CAMK2D: variants seen among roughly 807,000 people sequenced by gnomAD.
CAMK2D encodes the protein calcium/calmodulin dependent protein kinase II delta.
A neutral mutation model predicts 84.0 loss-of-function variants in CAMK2D; 37 were observed. The observed-to-expected ratio is 0.44, with a 90% CI of 0.34 to 0.58. CAMK2D has a LOEUF of 0.58. Among genes scored for constraint, CAMK2D ranks in the 20% least tolerant of loss-of-function variants. The pLI is 0.02. For missense variants in CAMK2D, 448 were observed against 652.5 expected (o/e 0.69, Z 3.41); for synonymous variants, 202 against 212.5 (o/e 0.95, Z 0.43).
intron 16 of CAMK2D, among the ~76,000 whole-genome samples, chr4:113,492,417 A>T (rs1332455298): frequency 6.6e-6 from 1 of 152,080 alleles, no homozygotes; most frequent in Non-Finnish European, 1.5e-5. Context: ...GTCATTCAGG[A>T]GCAGGTTGTT....
chr4:113,591,555 T>C (rs2154251676), intron 4 of CAMK2D, among the ~76,000 whole-genome samples: 1 of 152,322 alleles, frequency 6.6e-6, no homozygotes, highest in Admixed American at 6.5e-5. Context: ...TAAATGTGTA[T>C]CTCATCAGGT....
rs2097258655 is a variant in CAMK2D, at chr4:113,451,718, C to T, written c.*2827G>A. The T allele has an allele frequency of 6.6e-6, 1 of 152,124 alleles. No individual in the cohort carries two copies. Among genetic ancestry groups the T allele is most frequent in the African/African-American group, 2.4e-5 (1 of 41,402 alleles). The allele number at this position is 152,124 out of a possible 1,614,324, so 9.4% of individuals were successfully genotyped here. A position where few individuals can be genotyped will look rare whatever the true frequency, so the allele number is the denominator to read the frequency against. On this transcript the variant is annotated 3_prime_UTR_variant, in exon 21 of 21. Coordinates refer to ENST00000511664, the MANE Select transcript of CAMK2D (RefSeq NM_001321571.2). The stretch of plus-strand genomic sequence containing the variant: ...TGCAATGATGAATACACAGTTCTTG[C>T]CCATGGAGACATTATACTGCAGTAG...
In CAMK2D at chr4:113,761,151, C is replaced by G; in HGVS notation, c.-83G>C. On this transcript the variant is annotated 5_prime_UTR_variant, in exon 1 of 21. Transcript: ENST00000511664. ...GCGGCTAACCCCGGGACTGGCCCCGCGGCGCTGTCACCCAGGGCCGCTCTT... is the reference window on the plus strand; with the variant it reads ...GCGGCTAACCCCGGGACTGGCCCCGGGGCGCTGTCACCCAGGGCCGCTCTT... 6.3e-7 allele frequency: 1 copy of G among 1,596,578 alleles called. No homozygotes were observed. Among genetic ancestry groups the G allele is most frequent in the Non-Finnish European group, 8.5e-7 (1 of 1,173,238 alleles).
chr4:113,493,835 C>T (rs572252250), intron 16 of CAMK2D, among the ~76,000 whole-genome samples: 5 of 151,898 alleles, frequency 3.3e-5, no homozygotes, highest in African/African-American at 1.2e-4. Flanking sequence ...GGAGGCTTTG[C>T]TCATTTCTTT....
At chr4:113,615,950 G>A (rs2099019337) in intron 3 of CAMK2D, among the ~76,000 whole-genome samples, 1 of 151,876 alleles carries the variant, frequency 6.6e-6, no homozygotes, top group Non-Finnish European at 1.5e-5. Context: ...GTTACATAAG[G>A]GATATGTATT....
intron 2 of CAMK2D, among the ~76,000 whole-genome samples, chr4:113,717,707 G>C (rs2099517911): frequency 6.6e-6 from 1 of 152,012 alleles, no homozygotes; most frequent in Admixed American, 6.6e-5. Context: ...TTGATTACTG[G>C]AGAGAGAATT....
At chr4:113,547,540 C>G in intron 6 of CAMK2D, 104 bp downstream of exon 6, 1 of 601,002 alleles carries the variant, frequency 1.7e-6, no homozygotes, top group East Asian at 3.1e-5. Context: ...GGAATAAGTC[C>G]ACACAACTTT....
chr4:113,722,096 A>C (rs1461948452), intron 2 of CAMK2D, among the ~76,000 whole-genome samples: 2 of 152,190 alleles, frequency 1.3e-5, no homozygotes, highest in African/African-American at 4.8e-5. Flanking sequence ...TGTCAGTTTA[A>C]TTCACAGGTT....
chr4:113,591,632 G>A (rs1173102355), intron 4 of CAMK2D, among the ~76,000 whole-genome samples: 2 of 152,168 alleles, frequency 1.3e-5, no homozygotes, highest in Non-Finnish European at 1.5e-5. Flanking sequence ...AAAACTGGAA[G>A]TTGCTTTGGA....
chr4:113,494,954 C>T (rs2097908042), intron 16 of CAMK2D, among the ~76,000 whole-genome samples: 2 of 152,238 alleles, frequency 1.3e-5, no homozygotes, highest in African/African-American at 4.8e-5. Flanking sequence ...AACTCCCTGA[C>T]CCCTTGCGCT....
intron 2 of CAMK2D, among the ~76,000 whole-genome samples, chr4:113,695,899 T>G (rs1364490516): frequency 6.6e-6 from 1 of 152,092 alleles, no homozygotes; most frequent in Non-Finnish European, 1.5e-5. Flanking sequence ...TGCAATGCTA[T>G]GTATGAGCTG....
chr4:113,726,699 C>T (rs896942811), intron 2 of CAMK2D, among the ~76,000 whole-genome samples: 2 of 152,008 alleles, frequency 1.3e-5, no homozygotes, highest in African/African-American at 4.8e-5. Context: ...AGCCACCAAG[C>T]CTGACCACGA....
At chr4:113,735,288 GGAAAAAAAAAAAAAAAAAAAAAA>G (rs2099578505) in intron 2 of CAMK2D, among the ~76,000 whole-genome samples, 1 of 58,958 alleles carries the variant, frequency 1.7e-5, no homozygotes, top group African/African-American at 5.8e-5. Flanking sequence ...CATCTCTACA[GGAAAAAAAAAAAAAAAAAAAAAA>G]AAAAAAAAAA....
At chr4:113,720,010 A>C (rs957247825) in intron 2 of CAMK2D, among the ~76,000 whole-genome samples, 1 of 152,174 alleles carries the variant, frequency 6.6e-6, no homozygotes. Context: ...TTATATTCTA[A>C]GGATCACAGA....
intron 16 of CAMK2D, among the ~76,000 whole-genome samples, chr4:113,467,530 A>C (rs1406206023): frequency 6.6e-6 from 1 of 152,206 alleles, no homozygotes; most frequent in Admixed American, 6.5e-5. Context: ...AAGGTCTATA[A>C]TATTAAAAAA....
intron 3 of CAMK2D, among the ~76,000 whole-genome samples, chr4:113,639,366 C>T (rs2099122998): frequency 1.3e-5 from 2 of 152,044 alleles, no homozygotes; most frequent in South Asian, 4.2e-4. Context: ...AATTTGTTTG[C>T]TAGGCCCTGA....
chr4:113,537,772 C>T (rs189832803), intron 6 of CAMK2D, among the ~76,000 whole-genome samples: 3 of 152,260 alleles, frequency 2.0e-5, no homozygotes, highest in Admixed American at 6.5e-5. Flanking sequence ...GACTTGGCCA[C>T]GGACATTGAC....
intron 4 of CAMK2D, among the ~76,000 whole-genome samples, chr4:113,599,221 T>G (rs1168363293): frequency 6.6e-6 from 1 of 152,214 alleles, no homozygotes; most frequent in Non-Finnish European, 1.5e-5. Flanking sequence ...CAACAGGAAC[T>G]CTCATTCATT....
intron 2 of CAMK2D, among the ~76,000 whole-genome samples, chr4:113,668,415 A>C (rs535916632): frequency 6.6e-6 from 1 of 152,292 alleles, no homozygotes; most frequent in Admixed American, 6.5e-5. Context: ...CTTCCATAAC[A>C]TGGGCATAAA....
Sources: allele counts gnomAD v4.1 joint callset (sites outside exome capture counted in the v4.1 genomes callset), GRCh38; gene constraint gnomAD v4.1.1; transcripts MANE v1.5; gene names NCBI Gene and HGNC (gene_info 2026-07-23, HGNC 2026-07-21).